The following FBXL20 variants were observed in gnomAD, a reference collection of about 807,000 sequenced individuals.
FBXL20 encodes the protein F-box/LRR-repeat protein 20.
Under a neutral mutation model 64.0 loss-of-function variants are expected in FBXL20, and 11 were observed. The observed-to-expected ratio is 0.17, with a 90% CI of 0.11 to 0.28. FBXL20 has a LOEUF of 0.28. FBXL20 is among the 10% of genes least tolerant of loss of function. The pLI, the probability that FBXL20 is intolerant of heterozygous loss-of-function variation, is 1.00. For synonymous variants in FBXL20, 184 were observed against 189.0 expected (o/e 0.97, Z 0.22); for missense variants, 303 against 526.2 (o/e 0.58, Z 4.15).
At chr17:39,333,555 C>G (rs1597803184) in intron 2 of FBXL20, among the ~76,000 whole-genome samples, 2 of 152,308 alleles carry the variant, frequency 1.3e-5, no homozygotes, top group Admixed American at 1.3e-4. Context: ...GCAGCCTCTG[C>G]CCGGCCGCCA....
intron 6 of FBXL20, among the ~76,000 whole-genome samples, chr17:39,294,772 G>A (rs574996026): frequency 6.6e-6 from 1 of 152,282 alleles, no homozygotes; most frequent in East Asian, 1.9e-4. Context: ...AGCACTTTGG[G>A]AGGCCGAGGT....
chr17:39,322,549 G>A (rs909103867), intron 2 of FBXL20, among the ~76,000 whole-genome samples: 14 of 152,140 alleles, frequency 9.2e-5, no homozygotes, highest in South Asian at 4.2e-4. Flanking sequence ...TAAGTGGATC[G>A]TTATATTGAG....
chr17:39,313,821 G>A (rs952512133), intron 2 of FBXL20, among the ~76,000 whole-genome samples: 1 of 151,974 alleles, frequency 6.6e-6, no homozygotes, highest in Non-Finnish European at 1.5e-5. Flanking sequence ...TTTAAGTAGA[G>A]ATGCGGTTTC....
At chr17:39,277,864 G>A (rs1483229608) in intron 9 of FBXL20, among the ~76,000 whole-genome samples, 1 of 151,964 alleles carries the variant, frequency 6.6e-6, no homozygotes. Flanking sequence ...ATAATTTTGG[G>A]CAGAGCATGA....
chr17:39,316,075 T>A (rs113795902), intron 2 of FBXL20, among the ~76,000 whole-genome samples: 1,961 of 152,016 alleles, frequency 0.013, 47 homozygotes, highest in African/African-American at 0.045. Flanking sequence ...CAGAGCAAGA[T>A]CCTATCTCTA....
At chr17:39,267,095 T>C (rs1185149518) in intron 12 of FBXL20, among the ~76,000 whole-genome samples, 1 of 151,296 alleles carries the variant, frequency 6.6e-6, no homozygotes, top group Non-Finnish European at 1.5e-5. Flanking sequence ...TCTACTAAAA[T>C]ACAAAAACTA....
At chr17:39,314,575 G>A (rs910831820) in intron 2 of FBXL20, among the ~76,000 whole-genome samples, 2 of 152,068 alleles carry the variant, frequency 1.3e-5, no homozygotes, top group Non-Finnish European at 2.9e-5. Context: ...TAGCCAGGCT[G>A]ATCTGGAACT....
intron 1 of FBXL20, among the ~76,000 whole-genome samples, chr17:39,348,172 T>C (rs892264416): frequency 6.7e-6 from 1 of 150,314 alleles, no homozygotes; most frequent in African/African-American, 2.5e-5. Context: ...ATACAAAAGA[T>C]GATGTCTCGG....
chr17:39,310,074 A>G (rs801419), intron 2 of FBXL20, among the ~76,000 whole-genome samples: 49,115 of 150,612 alleles, frequency 0.33, 9,161 homozygotes, highest in African/African-American at 0.51. Flanking sequence ...GATTGTTTGA[A>G]TCAAGGAAAC....
chr17:39,349,187 G>C (rs2047662933), intron 1 of FBXL20, among the ~76,000 whole-genome samples: 1 of 151,950 alleles, frequency 6.6e-6, no homozygotes, highest in South Asian at 2.1e-4. Context: ...GGGAGACAGA[G>C]GTTGCAGTGA....
At position 39,350,761 on chromosome 17, in the gene FBXL20, G is replaced by T. The variant is rs548579122; in HGVS notation, c.43-7520C>A. On this transcript the variant is annotated intron_variant, in intron 1 of 14. Transcript: ENST00000264658. ...AAGAACCAGATTAGTGGTTAAGAAC[G>T]GATGGTCCCCTGAGCAGGAGTATCA... Among the ~76,000 whole-genome samples, 5 of 152,200 alleles carry T rather than the reference G, an allele frequency of 3.3e-5. No homozygotes were observed. The East Asian group carries it at 9.7e-4, about 29-fold the overall frequency.
chr17:39,367,148 G>C (rs2047868372), intron 1 of FBXL20, among the ~76,000 whole-genome samples: 1 of 151,972 alleles, frequency 6.6e-6, no homozygotes, highest in Non-Finnish European at 1.5e-5. Context: ...CTCCAAAAGT[G>C]CTGGGATTGT....
chr17:39,347,261 C>T (rs562764056), intron 1 of FBXL20, among the ~76,000 whole-genome samples: 16 of 152,280 alleles, frequency 1.1e-4, no homozygotes, highest in Admixed American at 3.3e-4. Context: ...CTTGAGGAAT[C>T]GCCACACTGT....
At chr17:39,353,812 G>C (rs2047711059) in intron 1 of FBXL20, among the ~76,000 whole-genome samples, 1 of 151,906 alleles carries the variant, frequency 6.6e-6, no homozygotes, top group Non-Finnish European at 1.5e-5. Flanking sequence ...TAGTAGAGAT[G>C]GGGTTTCATC....
At chr17:39,332,393 C>T (rs113993336) in intron 2 of FBXL20, among the ~76,000 whole-genome samples, 1,622 of 152,264 alleles carry the variant, frequency 0.011, 26 homozygotes, top group African/African-American at 0.037. Flanking sequence ...GACAATATTT[C>T]ACATGTGTCG....
At chr17:39,398,041 G>T (rs1356671512) in intron 1 of FBXL20, among the ~76,000 whole-genome samples, 1 of 25,388 alleles carries the variant, frequency 3.9e-5, no homozygotes, top group Admixed American at 3.5e-4. Flanking sequence ...GCCGGCGGGC[G>T]GGGGGGGGGG....
intron 1 of FBXL20, among the ~76,000 whole-genome samples, chr17:39,354,015 T>G (rs533236058): frequency 2.6e-5 from 4 of 152,304 alleles, no homozygotes; most frequent in African/African-American, 9.6e-5. Context: ...ACTACTGAAC[T>G]GTGTAATGTA....
chr17:39,278,590 C>T (rs1424347382), intron 9 of FBXL20, among the ~76,000 whole-genome samples: 1 of 150,104 alleles, frequency 6.7e-6, no homozygotes, highest in African/African-American at 2.5e-5. Flanking sequence ...CTGTGTCGCC[C>T]AGGCTGGAGT....
intron 2 of FBXL20, among the ~76,000 whole-genome samples, chr17:39,340,393 C>T (rs185828327): frequency 1.3e-5 from 2 of 152,064 alleles, no homozygotes; most frequent in African/African-American, 4.8e-5. Context: ...CCGCGCCCGA[C>T]TAATTTCTGT....
Sources: gnomAD v4.1 joint callset for allele counts (sites outside exome capture counted in the v4.1 genomes callset) on GRCh38, gnomAD v4.1.1 for gene constraint, MANE v1.5 for transcripts, NCBI Gene and HGNC (gene_info 2026-07-23, HGNC 2026-07-21) for gene names.